The following PSD3 variants were observed in gnomAD, a reference collection of about 807,000 sequenced individuals.
PSD3 encodes the protein PH and SEC7 domain-containing protein 3.
A neutral mutation model predicts 105.5 loss-of-function variants in PSD3; 49 were observed. The observed-to-expected ratio is 0.46, with a 90% CI of 0.37 to 0.59. PSD3 has a LOEUF of 0.59. PSD3 is among the 20% of genes least tolerant of loss of function. The pLI is 0.00. For missense variants in PSD3, 1,561 were observed against 1,263.8 expected, an observed-to-expected ratio of 1.24 and a Z score of -3.57; for synonymous variants, 557 against 457.8, an observed-to-expected ratio of 1.22 and a Z score of -2.77.
chr8:18,559,922 G>C (rs1801294257), intron 14 of PSD3, among the ~76,000 whole-genome samples: 1 of 152,108 alleles, frequency 6.6e-6, no homozygotes, highest in African/African-American at 2.4e-5. Flanking sequence ...TAGTCATTTA[G>C]GCTATATTTT....
At chr8:18,709,218 C>T (rs1018041421) in intron 9 of PSD3, among the ~76,000 whole-genome samples, 11 of 152,184 alleles carry the variant, frequency 7.2e-5, no homozygotes, top group African/African-American at 2.7e-4. Flanking sequence ...CAGTGAAGCA[C>T]AGCGACTGTG....
upstream of PSD3, among the ~76,000 whole-genome samples, chr8:19,017,797 C>G (rs544115050): frequency 1.3e-5 from 2 of 152,146 alleles, no homozygotes; most frequent in African/African-American, 4.8e-5. Context: ...TTTTATTGAT[C>G]CATTTATGAG....
intron 9 of PSD3, among the ~76,000 whole-genome samples, chr8:18,726,473 T>C (rs964236243): frequency 4.6e-5 from 7 of 152,254 alleles, no homozygotes; most frequent in African/African-American, 1.7e-4. Context: ...ATTATAATCA[T>C]TACGTTATTA....
chr8:18,921,665 T>C (rs368958578), intron 2 of PSD3, among the ~76,000 whole-genome samples: 33 of 152,336 alleles, frequency 2.2e-4, no homozygotes, highest in African/African-American at 7.9e-4. Context: ...AATCCATCTC[T>C]GGATGCTACT....
Position 18,752,529 on chromosome 8 carries a change from A to ATT in PSD3, c.2172+12918_2172+12919dup, listed in dbSNP as rs1202419220. On this transcript the variant is annotated intron_variant, in intron 9 of 15. Coordinates refer to ENST00000327040, the MANE Select transcript of PSD3 (RefSeq NM_015310.4). ...ATATATAATATATGTAATATATATA[A>ATT]TTATATATTATATATATTATATATA... Among the ~76,000 whole-genome samples, 143 of 48,352 alleles carry ATT rather than the reference A, an allele frequency of 3.0e-3. No homozygotes were observed. The South Asian group carries it at 0.03, about 10-fold the overall frequency. The allele number at this position is 48,352 out of a possible 152,430, so 31.7% of individuals were successfully genotyped here. A position where few individuals can be genotyped will look rare whatever the true frequency, so the allele number is the denominator to read the frequency against.
At chr8:18,682,003 CAAA>C (rs10612158) in intron 9 of PSD3, among the ~76,000 whole-genome samples, 10,092 of 115,484 alleles carry the variant, frequency 0.087, 726 homozygotes, top group African/African-American at 0.21. Flanking sequence ...TTGCAATATT[CAAA>C]AAAAAAAAAA....
At chr8:19,004,352 T>A (rs79630109) in intron 1 of PSD3, among the ~76,000 whole-genome samples, 2 of 152,152 alleles carry the variant, frequency 1.3e-5, no homozygotes, top group East Asian at 1.9e-4. Context: ...ACAATATTTG[T>A]TACACAAGTC....
At chr8:18,841,918 C>G (rs1230517465) in intron 4 of PSD3, among the ~76,000 whole-genome samples, 2 of 152,156 alleles carry the variant, frequency 1.3e-5, no homozygotes, top group Non-Finnish European at 2.9e-5. Context: ...AAAACCTACT[C>G]TATTTCTAAA....
intron 1 of PSD3, among the ~76,000 whole-genome samples, chr8:19,005,881 A>G (rs74498565): frequency 0.016 from 2,406 of 152,090 alleles, 69 homozygotes; most frequent in African/African-American, 0.055. Context: ...ATGAGTGTAC[A>G]CTTTAAATGG....
At position 18,985,848 on chromosome 8, in the gene PSD3, G is replaced by C. The variant is rs543442717; in HGVS notation, c.21+27715C>G. On this transcript the variant is annotated intron_variant, in intron 1 of 15. Coordinates refer to ENST00000327040, the MANE Select transcript of PSD3 (RefSeq NM_015310.4). ...AAATAAATATTTCCTATTTAGTTTG[G>C]ACATTCATGGATACTTTTTTTAATG... Among the ~76,000 whole-genome samples, 3 of 151,672 alleles carry C rather than the reference G, an allele frequency of 2.0e-5. No individual in the cohort carries two copies. In the East Asian group the frequency reaches 5.8e-4, roughly 29 times the overall value.
chr8:18,856,184 C>A (rs1033739868), intron 4 of PSD3, among the ~76,000 whole-genome samples: 2 of 152,160 alleles, frequency 1.3e-5, no homozygotes, highest in African/African-American at 2.4e-5. Flanking sequence ...AAATGCAGCA[C>A]CCCCACAAGG....
At chr8:18,728,446 G>C (rs542165283) in intron 9 of PSD3, among the ~76,000 whole-genome samples, 1 of 152,178 alleles carries the variant, frequency 6.6e-6, no homozygotes, top group South Asian at 2.1e-4. Flanking sequence ...GACAGCTAAC[G>C]GAAGACTTGA....
rs1016155761 is a variant in PSD3, at chr8:18,924,380, G to A, written c.130+11654C>T. ...AAATCATTTTTCTGCTTTCCATAAT[G>A]GGTGGGAAGGAGGCTGGAGAGTGGA... On this transcript the variant is annotated intron_variant, in intron 2 of 15. Coordinates refer to ENST00000327040, the MANE Select transcript of PSD3 (RefSeq NM_015310.4). 9.9e-5 allele frequency among the ~76,000 whole-genome samples: 15 copies of A among 152,260 alleles called. No individual in the cohort carries two copies. The East Asian group carries it at 2.9e-3, about 29-fold the overall frequency.
chr8:18,841,352 G>C (rs556507003), intron 4 of PSD3, among the ~76,000 whole-genome samples: 1 of 152,310 alleles, frequency 6.6e-6, no homozygotes. Context: ...GAGGCCCAGA[G>C]AGTGGAGCTC....
At chr8:18,636,043 G>C (rs1379185617) in intron 10 of PSD3, among the ~76,000 whole-genome samples, 1 of 152,092 alleles carries the variant, frequency 6.6e-6, no homozygotes, top group East Asian at 1.9e-4. Context: ...ATGTATCCCA[G>C]AACTTAAAGT....
At chr8:18,803,488 T>G (rs977845265) in intron 6 of PSD3, among the ~76,000 whole-genome samples, 1 of 150,868 alleles carries the variant, frequency 6.6e-6, no homozygotes, top group South Asian at 2.1e-4. Context: ...GAAGAAATAT[T>G]TGTCCACTCA....
chr8:19,060,743 T>C (rs191359037), intron 1 of PSD3, among the ~76,000 whole-genome samples: 36 of 152,328 alleles, frequency 2.4e-4, no homozygotes, highest in African/African-American at 8.7e-4. Context: ...TGTTTTCCAC[T>C]GACAGGATGG....
At chr8:18,715,264 A>G (rs1802511302) in intron 9 of PSD3, among the ~76,000 whole-genome samples, 1 of 152,186 alleles carries the variant, frequency 6.6e-6, no homozygotes, top group South Asian at 2.1e-4. Context: ...CATCCTGCAC[A>G]TGTAAAATTA....
intron 2 of PSD3, among the ~76,000 whole-genome samples, chr8:18,911,231 T>C (rs983179688): frequency 2.0e-5 from 3 of 152,182 alleles, no homozygotes; most frequent in Non-Finnish European, 4.4e-5. Context: ...GACACAGACT[T>C]TGGTTTAAAG....
Sources: allele counts gnomAD v4.1 joint callset (sites outside exome capture counted in the v4.1 genomes callset), GRCh38; gene constraint gnomAD v4.1.1; transcripts MANE v1.5; gene names NCBI Gene and HGNC (gene_info 2026-07-23, HGNC 2026-07-21).